Variants in KCND2 observed in about 807,000 individuals in gnomAD.
The protein encoded by KCND2 is A-type voltage-gated potassium channel KCND2.
KCND2 carries 16 observed loss-of-function variants against 54.4 expected under a neutral mutation model. The ratio of observed to expected loss-of-function variants is 0.29; its 90% confidence interval spans 0.20 to 0.45. KCND2 has a LOEUF of 0.45. Ranked by LOEUF, KCND2 falls within the 20% of genes least tolerant of loss-of-function variation. KCND2 has a pLI of 1.00. For synonymous variants in KCND2, 317 were observed against 310.7 expected, an observed-to-expected ratio of 1.02 and a Z score of -0.21; for missense variants, 486 against 824.2, an observed-to-expected ratio of 0.59 and a Z score of 5.02.
rs1800591504 is a variant in KCND2 at position 120,361,417 on chromosome 7, T to A, written c.1115+85670T>A. Among the ~76,000 whole-genome samples, 5 of 151,922 alleles carry A rather than the reference T, an allele frequency of 3.3e-5. No individual in the cohort carries two copies. In the South Asian group the frequency reaches 1.0e-3, roughly 31 times the overall value. On this transcript the variant is annotated intron_variant, in intron 1 of 5. Coordinates refer to ENST00000331113, the MANE Select transcript of KCND2 (RefSeq NM_012281.3). ...TCTCTCTCTTTTTTTTTTTTCCTAA[T>A]GAGATAAAGCTTAGAAATAAAACAT...
chr7:120,641,333 T>C (rs1041217920), intron 1 of KCND2, among the ~76,000 whole-genome samples: 1 of 152,080 alleles, frequency 6.6e-6, no homozygotes, highest in Non-Finnish European at 1.5e-5. Context: ...GAATGGCTAT[T>C]TTAAAAGGCC....
At chr7:120,720,232 A>G (rs1255674580) in intron 1 of KCND2, among the ~76,000 whole-genome samples, 5 of 152,172 alleles carry the variant, frequency 3.3e-5, no homozygotes, top group East Asian at 3.9e-4. Context: ...GACATGACAC[A>G]GGAAACTGCT....
At chr7:120,474,049 A>G (rs1328340704) in intron 1 of KCND2, among the ~76,000 whole-genome samples, 9 of 152,134 alleles carry the variant, frequency 5.9e-5, no homozygotes, top group Admixed American at 5.9e-4. Flanking sequence ...CAGGAGCTCT[A>G]CTTACCTCAG....
intron 1 of KCND2, among the ~76,000 whole-genome samples, chr7:120,426,880 A>G (rs1168835594): frequency 6.6e-6 from 1 of 152,052 alleles, no homozygotes; most frequent in African/African-American, 2.4e-5. Flanking sequence ...TCAGCCTCCT[A>G]AAGTGCTGAG....
At chr7:120,678,372 T>TATATATATATAC (rs1554385180) in intron 1 of KCND2, among the ~76,000 whole-genome samples, 1 of 133,496 alleles carries the variant, frequency 7.5e-6, no homozygotes, top group African/African-American at 2.7e-5. Context: ...TATATATATA[T>TATATATATATAC]ACGCACACAC....
chr7:120,311,896 G>T (rs950114960), intron 1 of KCND2, among the ~76,000 whole-genome samples: 2 of 151,962 alleles, frequency 1.3e-5, no homozygotes, highest in African/African-American at 4.8e-5. Context: ...AAAGGACATG[G>T]TCTCAATTTT....
At chr7:120,425,419 C>T (rs11970921) in intron 1 of KCND2, among the ~76,000 whole-genome samples, 15,572 of 152,262 alleles carry the variant, frequency 0.1, 835 homozygotes, top group Admixed American at 0.13. Flanking sequence ...TAATCAACAA[C>T]TATATTTGAG....
intron 1 of KCND2, among the ~76,000 whole-genome samples, chr7:120,662,622 C>T (rs1476727217): frequency 6.6e-6 from 1 of 152,094 alleles, no homozygotes; most frequent in Non-Finnish European, 1.5e-5. Context: ...AATATTTATT[C>T]TTTGTTTTTT....
intron 1 of KCND2, among the ~76,000 whole-genome samples, chr7:120,457,539 C>T (rs1802218022): frequency 1.3e-5 from 2 of 152,188 alleles, no homozygotes; most frequent in Non-Finnish European, 2.9e-5. Context: ...CTCCAGTTCT[C>T]AATAATTTTT....
Position 120,375,927 on chromosome 7 carries a change from A to G in KCND2, c.1115+100180A>G, listed in dbSNP as rs1386365864. On this transcript the variant is annotated intron_variant, in intron 1 of 5. Transcript: ENST00000331113. ...AATCCTATAAGGAAAATTAGTTGTC[A>G]TAGCAAACATTCTTATTGAAATCTG... is the stretch of plus-strand genomic sequence containing the variant. 4.6e-5 allele frequency among the ~76,000 whole-genome samples: 7 copies of G among 151,780 alleles called. No homozygotes were observed. In the East Asian group the frequency reaches 1.4e-3, roughly 29 times the overall value.
intron 1 of KCND2, among the ~76,000 whole-genome samples, chr7:120,439,738 A>G (rs1401836033): frequency 2.0e-5 from 3 of 152,008 alleles, no homozygotes; most frequent in African/African-American, 7.2e-5. Context: ...TCTCCCACAT[A>G]TGAATGAGAA....
intron 1 of KCND2, among the ~76,000 whole-genome samples, chr7:120,729,246 T>A (rs1012924808): frequency 1.3e-5 from 2 of 152,172 alleles, no homozygotes; most frequent in East Asian, 1.9e-4. Context: ...CACTACTAAA[T>A]GAGAAGAGAG....
At chr7:120,610,526 A>G (rs1268746941) in intron 1 of KCND2, among the ~76,000 whole-genome samples, 1 of 152,110 alleles carries the variant, frequency 6.6e-6, no homozygotes, top group Non-Finnish European at 1.5e-5. Flanking sequence ...AATAAAATGC[A>G]GATTCTGATT....
chr7:120,653,284 G>A (rs1238270761), intron 1 of KCND2, among the ~76,000 whole-genome samples: 2 of 150,912 alleles, frequency 1.3e-5, no homozygotes, highest in Non-Finnish European at 2.9e-5. Flanking sequence ...GAGCTCAAGT[G>A]ATCCACCCTT....
chr7:120,592,171 C>G (rs560302133), intron 1 of KCND2, among the ~76,000 whole-genome samples: 2 of 152,274 alleles, frequency 1.3e-5, no homozygotes, highest in Non-Finnish European at 1.5e-5. Context: ...GATCCAGCCA[C>G]ATGCGACAAT....
intron 1 of KCND2, among the ~76,000 whole-genome samples, chr7:120,360,429 C>T (rs1007994966): frequency 1.3e-5 from 2 of 151,916 alleles, no homozygotes; most frequent in African/African-American, 2.4e-5. Context: ...ATGCCATGCT[C>T]TTATCACATC....
At chr7:120,309,488 C>CACAA (rs1799702633) in intron 1 of KCND2, among the ~76,000 whole-genome samples, 1 of 81,574 alleles carries the variant, frequency 1.2e-5, no homozygotes, top group African/African-American at 3.2e-5. Flanking sequence ...CACACACACA[C>CACAA]ACACACACAC....
In KCND2 at chr7:120,386,588, C is replaced by T. The variant is rs145178746; in HGVS notation, c.1115+110841C>T. Among the ~76,000 whole-genome samples, 603 of 152,242 alleles carry T rather than the reference C, an allele frequency of 4.0e-3. 4 individuals carry two copies. The highest frequency in any genetic ancestry group is 0.014 in the African/African-American group (567 of 41,556). ...CCAAAAGAATTAGAATTATGACATC[C>T]CTTTCTTTTATATTTAGAAAACCAG... On this transcript the variant is annotated intron_variant, in intron 1 of 5. Coordinates refer to ENST00000331113, the MANE Select transcript of KCND2 (RefSeq NM_012281.3).
chr7:120,586,593 G>A (rs760163064), intron 1 of KCND2, among the ~76,000 whole-genome samples: 5 of 152,096 alleles, frequency 3.3e-5, no homozygotes, highest in Admixed American at 2.0e-4. Flanking sequence ...GTATGAGTCC[G>A]TATTCTTGCA....
Sources: gnomAD v4.1 joint callset for allele counts (sites outside exome capture counted in the v4.1 genomes callset) on GRCh38, gnomAD v4.1.1 for gene constraint, MANE v1.5 for transcripts, NCBI Gene and HGNC (gene_info 2026-07-23, HGNC 2026-07-21) for gene names.